FMNL2: variants seen among roughly 807,000 people sequenced by gnomAD.
FMNL2 encodes the protein formin-like protein 2.
A neutral mutation model predicts 130.2 loss-of-function variants in FMNL2; 51 were observed. The observed-to-expected ratio is 0.39, with a 90% CI of 0.31 to 0.49. The LOEUF is 0.49. Ranked by LOEUF, FMNL2 falls within the 20% of genes least tolerant of loss-of-function variation. FMNL2 has a pLI of 0.85. For missense variants in FMNL2, 977 were observed against 1,316.2 expected (o/e 0.74, Z 3.99); for synonymous variants, 465 against 467.1 (o/e 1.00, Z 0.06).
At chr2:152,432,614 A>C (rs1408892441) in intron 1 of FMNL2, among the ~76,000 whole-genome samples, 1 of 152,192 alleles carries the variant, frequency 6.6e-6, no homozygotes, top group African/African-American at 2.4e-5. Context: ...AGGCAAATTT[A>C]TTCTGAGGAT....
At chr2:152,398,729 A>C (rs1332677149) in intron 1 of FMNL2, among the ~76,000 whole-genome samples, 1 of 152,242 alleles carries the variant, frequency 6.6e-6, no homozygotes, top group Non-Finnish European at 1.5e-5. Flanking sequence ...ATAAAGAAAT[A>C]GTATAGAGGA....
In FMNL2 at chr2:152,599,992, A is replaced by G. The variant is rs144122686; in HGVS notation, c.877-7347A>G. Among the ~76,000 whole-genome samples the G allele has an allele frequency of 7.6e-3, 1,164 of 152,348 alleles. 15 individuals are homozygous for G. Among genetic ancestry groups the G allele is most frequent in the African/African-American group, 0.026 (1,073 of 41,574 alleles). ...GAGACAACAATAACAGACCATTGACAGCCACAGAACACCCCAGAAAAGTGG... is the reference window on the plus strand; with the variant it reads ...GAGACAACAATAACAGACCATTGACGGCCACAGAACACCCCAGAAAAGTGG... On this transcript the variant is annotated intron_variant, in intron 9 of 25. Transcript: ENST00000288670.
intron 1 of FMNL2, among the ~76,000 whole-genome samples, chr2:152,393,781 C>T (rs891802824): frequency 6.6e-6 from 1 of 152,114 alleles, no homozygotes; most frequent in Non-Finnish European, 1.5e-5. Flanking sequence ...CTATAAAGGA[C>T]CAGATAATAG....
chr2:152,624,576 C>T lies in FMNL2; in HGVS notation c.1838-862C>T, dbSNP rs757411519. ...TTCTTAGGCTGGGCAAGATGGCTCACGCCTGTAATCCCAGCACTCTGGGAG... is the reference window on the plus strand; with the variant it reads ...TTCTTAGGCTGGGCAAGATGGCTCATGCCTGTAATCCCAGCACTCTGGGAG... On this transcript the variant is annotated intron_variant, in intron 15 of 25. Coordinates refer to ENST00000288670, the MANE Select transcript of FMNL2 (RefSeq NM_052905.4). 9.2e-5 allele frequency among the ~76,000 whole-genome samples: 14 copies of T among 152,186 alleles called. No homozygotes were observed. The East Asian group carries it at 2.1e-3, about 23-fold the overall frequency.
At chr2:152,471,930 C>T (rs1019275731) in intron 1 of FMNL2, among the ~76,000 whole-genome samples, 1 of 152,078 alleles carries the variant, frequency 6.6e-6, no homozygotes, top group African/African-American at 2.4e-5. Flanking sequence ...TTCAGTAGTG[C>T]GACTCCGGTA....
At chr2:152,610,020 T>C (rs896580721) in intron 10 of FMNL2, among the ~76,000 whole-genome samples, 9 of 152,250 alleles carry the variant, frequency 5.9e-5, no homozygotes, top group Middle Eastern at 6.8e-3. Context: ...CTTTGGCAGG[T>C]CTCAGGGCCA....
At chr2:152,413,141 G>T (rs1010011363) in intron 1 of FMNL2, among the ~76,000 whole-genome samples, 2 of 152,066 alleles carry the variant, frequency 1.3e-5, no homozygotes, top group African/African-American at 4.8e-5. Flanking sequence ...TTTTGGGGGT[G>T]GGCAGGTGGC....
At chr2:152,576,531 A>G in intron 7 of FMNL2, among the ~76,000 whole-genome samples, 1 of 152,212 alleles carries the variant, frequency 6.6e-6, no homozygotes, top group East Asian at 1.9e-4. Context: ...TGAAGCTGGG[A>G]CACAGAGAAG....
At chr2:152,375,875 C>CTATATATATATA (rs71394478) in intron 1 of FMNL2, among the ~76,000 whole-genome samples, 6 of 112,816 alleles carry the variant, frequency 5.3e-5, no homozygotes, top group African/African-American at 1.7e-4. Flanking sequence ...CTCTCTCTCT[C>CTATATATATATA]TCTATATATA....
chr2:152,486,622 T>C (rs374266350), intron 1 of FMNL2, among the ~76,000 whole-genome samples: 31 of 152,366 alleles, frequency 2.0e-4, no homozygotes, highest in African/African-American at 6.7e-4. Context: ...TAATGTTTCA[T>C]TGAGTTAGTC....
At chr2:152,557,096 A>G (rs888975922) in intron 4 of FMNL2, among the ~76,000 whole-genome samples, 12 of 152,280 alleles carry the variant, frequency 7.9e-5, no homozygotes, top group African/African-American at 2.6e-4. Flanking sequence ...TCTTTTTACT[A>G]TTTCTAAGCT....
intron 15 of FMNL2, among the ~76,000 whole-genome samples, chr2:152,624,071 CTCCACTCAATT>C (rs1580124276): frequency 1.4e-3 from 19 of 13,920 alleles, no homozygotes; most frequent in East Asian, 0.023. Flanking sequence ...CTCCCCTCCC[CTCCACTCAATT>C]CCCTTCGCCT....
At chr2:152,589,940 CATATATATATATATATATAT>C (rs771625998) in intron 9 of FMNL2, among the ~76,000 whole-genome samples, 78 of 67,012 alleles carry the variant, frequency 1.2e-3, no homozygotes, top group Admixed American at 2.4e-3. Context: ...TGGCTTTATA[CATATATATATATATATATAT>C]ATATATATAT....
At chr2:152,532,555 C>T (rs189954959) in intron 2 of FMNL2, among the ~76,000 whole-genome samples, 1 of 150,850 alleles carries the variant, frequency 6.6e-6, no homozygotes, top group Non-Finnish European at 1.5e-5. Flanking sequence ...ATTTGTATAT[C>T]TTTGTTGAAG....
intron 6 of FMNL2, among the ~76,000 whole-genome samples, chr2:152,569,250 G>C (rs1343880461): frequency 6.6e-6 from 1 of 152,020 alleles, no homozygotes; most frequent in Non-Finnish European, 1.5e-5. Context: ...CTGATCTGTG[G>C]TTCGGCAGAT....
At chr2:152,396,129 A>G (rs1207227341) in intron 1 of FMNL2, among the ~76,000 whole-genome samples, 1 of 152,160 alleles carries the variant, frequency 6.6e-6, no homozygotes, top group Non-Finnish European at 1.5e-5. Context: ...CTGTACCCAC[A>G]TCCCTCCCCC....
intron 1 of FMNL2, among the ~76,000 whole-genome samples, chr2:152,353,270 G>A (rs966005510): frequency 1.3e-5 from 2 of 152,162 alleles, no homozygotes; most frequent in African/African-American, 4.8e-5. Context: ...TTGGCTGAAG[G>A]TTATAATACA....
At chr2:152,532,788 A>G (rs945341089) in intron 2 of FMNL2, among the ~76,000 whole-genome samples, 2 of 151,730 alleles carry the variant, frequency 1.3e-5, no homozygotes, top group Non-Finnish European at 2.9e-5. Context: ...TCGTATTTTT[A>G]GTAGAGACAG....
intron 1 of FMNL2, among the ~76,000 whole-genome samples, chr2:152,492,472 T>G (rs1691267003): frequency 6.6e-6 from 1 of 152,248 alleles, no homozygotes; most frequent in Non-Finnish European, 1.5e-5. Context: ...TACTCTGTTG[T>G]CATTACAGTT....
Sources: gnomAD v4.1 joint callset for allele counts (sites outside exome capture counted in the v4.1 genomes callset) on GRCh38, gnomAD v4.1.1 for gene constraint, MANE v1.5 for transcripts, NCBI Gene and HGNC (gene_info 2026-07-23, HGNC 2026-07-21) for gene names.